The following MAGI2 variants were observed in gnomAD, a reference collection of about 807,000 sequenced individuals.
The protein encoded by MAGI2 is membrane associated guanylate kinase, WW and PDZ domain containing 2.
MAGI2 carries 35 observed loss-of-function variants against 133.3 expected under a neutral mutation model. The ratio of observed to expected loss-of-function variants is 0.26; its 90% CI spans 0.20 to 0.35. The LOEUF (loss-of-function observed/expected upper bound fraction) is 0.35. MAGI2 is among the 10% of genes least tolerant of loss of function. The pLI, the probability that MAGI2 is intolerant of heterozygous loss-of-function variation, is 1.00. For synonymous variants in MAGI2, 729 were observed against 710.6 expected (o/e 1.03, Z -0.41); for missense variants, 1,636 against 1,863.4 (o/e 0.88, Z 2.25).
intron 1 of MAGI2, among the ~76,000 whole-genome samples, chr7:79,443,566 T>C (rs946301607): frequency 6.6e-6 from 1 of 152,166 alleles, no homozygotes; most frequent in Non-Finnish European, 1.5e-5. Context: ...ATAGCACTTA[T>C]TATCCTCCAC....
intron 3 of MAGI2, among the ~76,000 whole-genome samples, chr7:78,597,902 G>A (rs921502887): frequency 7.3e-5 from 11 of 151,256 alleles, no homozygotes; most frequent in African/African-American, 2.7e-4. Context: ...GGTAAAATTT[G>A]CATAAGTCTA....
At chr7:78,543,745 C>G (rs557978819) in intron 3 of MAGI2, among the ~76,000 whole-genome samples, 1 of 152,334 alleles carries the variant, frequency 6.6e-6, no homozygotes, top group African/African-American at 2.4e-5. Context: ...TCTCCTCCAA[C>G]AATCTTCTTG....
chr7:79,043,524 C>CA (rs1811872938), intron 1 of MAGI2, among the ~76,000 whole-genome samples: 1 of 105,960 alleles, frequency 9.4e-6, no homozygotes, highest in East Asian at 3.0e-4. Flanking sequence ...GCCTGGGTGA[C>CA]AGAGTGAGAC....
chr7:79,314,056 C>A (rs1012665542), intron 1 of MAGI2, among the ~76,000 whole-genome samples: 2 of 152,174 alleles, frequency 1.3e-5, no homozygotes, highest in Non-Finnish European at 2.9e-5. Flanking sequence ...TCACTGCAAC[C>A]TCTGCCTCCT....
intron 3 of MAGI2, among the ~76,000 whole-genome samples, chr7:78,560,754 C>T (rs1800318808): frequency 6.6e-6 from 1 of 152,248 alleles, no homozygotes; most frequent in South Asian, 2.1e-4. Context: ...TGATAGCATG[C>T]TCTTAACCAT....
chr7:78,225,683 G>A (rs933066640), intron 10 of MAGI2, among the ~76,000 whole-genome samples: 3 of 152,210 alleles, frequency 2.0e-5, no homozygotes, highest in Admixed American at 1.3e-4. Context: ...GGGTGAGAGT[G>A]CTTCAAAACC....
At chr7:78,903,592 T>C (rs1485689378) in intron 2 of MAGI2, among the ~76,000 whole-genome samples, 1 of 152,086 alleles carries the variant, frequency 6.6e-6, no homozygotes, top group Non-Finnish European at 1.5e-5. Context: ...GACAATGGAG[T>C]GAGAAAGTGA....
chr7:78,903,082 G>C (rs1194251372), intron 2 of MAGI2, among the ~76,000 whole-genome samples: 2 of 146,228 alleles, frequency 1.4e-5, no homozygotes, highest in Non-Finnish European at 3.0e-5. Flanking sequence ...CCTTAAAATA[G>C]CTTTTGCAAA....
At chr7:78,854,433 T>G (rs1232409519) in intron 2 of MAGI2, among the ~76,000 whole-genome samples, 9 of 152,122 alleles carry the variant, frequency 5.9e-5, no homozygotes, top group Admixed American at 5.9e-4. Context: ...GAATTTTGTG[T>G]AAATGAAATG....
chr7:79,150,604 A>C (rs1025347104), intron 1 of MAGI2, among the ~76,000 whole-genome samples: 2 of 152,110 alleles, frequency 1.3e-5, no homozygotes, highest in African/African-American at 4.8e-5. Flanking sequence ...ATTTTTCTTC[A>C]TTTTGATATT....
chr7:78,426,399 C>G (rs62468798), intron 6 of MAGI2, among the ~76,000 whole-genome samples: 2 of 151,836 alleles, frequency 1.3e-5, no homozygotes, highest in African/African-American at 4.8e-5. Flanking sequence ...TAGGTGGGAA[C>G]TGAACAATGG....
At chr7:79,428,265 T>C (rs575368191) in intron 1 of MAGI2, among the ~76,000 whole-genome samples, 3 of 152,144 alleles carry the variant, frequency 2.0e-5, no homozygotes, top group Non-Finnish European at 1.5e-5. Context: ...GTAAATCTAT[T>C]AACAACAAGC....
At chr7:79,258,321 A>G (rs906044455) in intron 1 of MAGI2, among the ~76,000 whole-genome samples, 20 of 152,226 alleles carry the variant, frequency 1.3e-4, no homozygotes, top group African/African-American at 3.6e-4. Context: ...TTGCTTTTAA[A>G]TAAATCTTCT....
intron 1 of MAGI2, among the ~76,000 whole-genome samples, chr7:79,158,646 T>C (rs922231459): frequency 6.6e-6 from 1 of 152,092 alleles, no homozygotes; most frequent in African/African-American, 2.4e-5. Flanking sequence ...AGTCAAATCC[T>C]GAGCTATTGG....
intron 2 of MAGI2, among the ~76,000 whole-genome samples, chr7:78,668,822 C>G (rs528343566): frequency 7.2e-6 from 1 of 139,310 alleles, no homozygotes; most frequent in Admixed American, 7.4e-5. Flanking sequence ...TGAATGACTA[C>G]TGGGTACATA....
chr7:78,493,269 G>T (rs1465360666), intron 5 of MAGI2, among the ~76,000 whole-genome samples: 1 of 152,162 alleles, frequency 6.6e-6, no homozygotes, highest in Non-Finnish European at 1.5e-5. Flanking sequence ...TTGCCAAACT[G>T]ACAGAAGCAG....
chr7:78,233,352 C>T (rs536653885), intron 10 of MAGI2, among the ~76,000 whole-genome samples: 18 of 151,902 alleles, frequency 1.2e-4, no homozygotes, highest in Non-Finnish European at 2.2e-4. Flanking sequence ...CCGGAAGCCA[C>T]GGGAGGAAAG....
Position 78,596,184 on chromosome 7 carries a change from G to GAGGGAGGGAGGGAGGGAAGGAATGA in MAGI2, c.538+30911_538+30935dup, listed in dbSNP as rs1804586043. Among the ~76,000 whole-genome samples the GAGGGAGGGAGGGAGGGAAGGAATGA allele has an allele frequency of 2.5e-5, 3 of 120,332 alleles. No homozygotes were observed. The East Asian group carries it at 7.7e-4, about 31-fold the overall frequency. 78.9% of individuals were successfully genotyped at this position (120,332 alleles called of 152,430 possible). ...GAGGGAGGGAAGAAATGAAGGAAGG[G>GAGGGAGGGAGGGAGGGAAGGAATGA]AGGGAGGGAGGGAGGGAAGGAATGA... On this transcript the variant is annotated intron_variant, in intron 3 of 21. Coordinates refer to ENST00000354212, the MANE Select transcript of MAGI2 (RefSeq NM_012301.4).
chr7:78,200,431 T>C (rs1004664025), intron 11 of MAGI2, among the ~76,000 whole-genome samples: 1 of 152,162 alleles, frequency 6.6e-6, no homozygotes, highest in Non-Finnish European at 1.5e-5. Context: ...CATTTTAGCA[T>C]GTTTCGTAGG....
Sources: allele counts gnomAD v4.1 joint callset (sites outside exome capture counted in the v4.1 genomes callset), GRCh38; gene constraint gnomAD v4.1.1; transcripts MANE v1.5; gene names NCBI Gene and HGNC (gene_info 2026-07-23, HGNC 2026-07-21).